Variants in CD2AP observed in about 807,000 individuals in gnomAD.
CD2AP encodes CD2 associated protein, also known as CD2-associated protein.
In CD2AP, 46 loss-of-function variants were observed where a neutral mutation model predicts 85.1. The ratio of observed to expected loss-of-function variants is 0.54; its 90% confidence interval spans 0.43 to 0.69. The LOEUF is 0.69. CD2AP is among the 30% of genes least tolerant of loss of function. CD2AP has a pLI of 0.00. For missense variants in CD2AP, 769 were observed against 729.5 expected, an observed-to-expected ratio of 1.05 and a Z score of -0.62; for synonymous variants, 255 against 252.9, an observed-to-expected ratio of 1.01 and a Z score of -0.08.
chr6:47,514,648 A>T (rs1233695286), intron 2 of CD2AP, among the ~76,000 whole-genome samples: 1 of 152,248 alleles, frequency 6.6e-6, no homozygotes, highest in Admixed American at 6.5e-5. Flanking sequence ...GGGAAATAAC[A>T]GTGTAAAACA....
intron 14 of CD2AP, among the ~76,000 whole-genome samples, chr6:47,607,237 G>T (rs573835656): frequency 6.6e-6 from 1 of 152,024 alleles, no homozygotes; most frequent in South Asian, 2.1e-4. Flanking sequence ...TCCAATTCTT[G>T]GCTGTATTCT....
chr6:47,603,477 TTGGAAACTG>T (rs1769196186), intron 13 of CD2AP, among the ~76,000 whole-genome samples: 1 of 152,072 alleles, frequency 6.6e-6, no homozygotes, highest in South Asian at 2.1e-4. Context: ...AGCCATCCTT[TTGGAAACTG>T]TCTTGGTGTT....
chr6:47,511,081 A>AAT (rs897090922), intron 2 of CD2AP, among the ~76,000 whole-genome samples: 2 of 141,182 alleles, frequency 1.4e-5, no homozygotes, highest in Non-Finnish European at 3.1e-5. Flanking sequence ...CTCAAAAAAA[A>AAT]AAAAAAAAAA....
At chr6:47,576,486 T>C (rs1350016442) in intron 6 of CD2AP, 38 bp from the exon 7 acceptor site, 1 of 1,315,056 alleles carries the variant, frequency 7.6e-7, no homozygotes, top group Non-Finnish European at 1.1e-6. Context: ...ATCTTTATTC[T>C]ATCTTAAAAT....
At chr6:47,493,680 A>G (rs942467540) in intron 1 of CD2AP, among the ~76,000 whole-genome samples, 10 of 152,028 alleles carry the variant, frequency 6.6e-5, no homozygotes, top group Non-Finnish European at 1.0e-4. Context: ...TGGAATTCCA[A>G]TTACGTGTGT....
At chr6:47,623,078 G>T (rs1188504969) in intron 17 of CD2AP, among the ~76,000 whole-genome samples, 3 of 152,190 alleles carry the variant, frequency 2.0e-5, no homozygotes, top group Admixed American at 6.5e-5. Context: ...AGACAGGCTT[G>T]TTGTAGTCCA....
intron 2 of CD2AP, among the ~76,000 whole-genome samples, chr6:47,528,807 CACAGA>C (rs1196023526): frequency 2.0e-5 from 3 of 152,098 alleles, no homozygotes; most frequent in African/African-American, 7.2e-5. Flanking sequence ...TAGGAGAGAT[CACAGA>C]GATTTTTTTG....
At chr6:47,592,002 T>A (rs1768811885) in intron 11 of CD2AP, among the ~76,000 whole-genome samples, 1 of 151,936 alleles carries the variant, frequency 6.6e-6, no homozygotes, top group Non-Finnish European at 1.5e-5. Context: ...TTTTTTAATT[T>A]ATTTTTTTCT....
chr6:47,481,978 C>G (rs1472972172), intron 1 of CD2AP, among the ~76,000 whole-genome samples: 1 of 151,992 alleles, frequency 6.6e-6, no homozygotes, highest in Non-Finnish European at 1.5e-5. Flanking sequence ...CCAGGCTAGT[C>G]TCAAACTCTT....
intron 4 of CD2AP, among the ~76,000 whole-genome samples, chr6:47,548,810 T>G (rs1266638309): frequency 6.6e-6 from 1 of 152,104 alleles, no homozygotes; most frequent in African/African-American, 2.4e-5. Context: ...CTAAACAAAG[T>G]ACTAGCTAAC....
chr6:47,610,310 T>A (rs1488467487), intron 16 of CD2AP, among the ~76,000 whole-genome samples: 2 of 152,120 alleles, frequency 1.3e-5, no homozygotes, highest in Admixed American at 6.5e-5. Flanking sequence ...AAATATATTT[T>A]AAAAAAAGCA....
At chr6:47,480,411 T>G (rs1765413406) in intron 1 of CD2AP, among the ~76,000 whole-genome samples, 1 of 151,980 alleles carries the variant, frequency 6.6e-6, no homozygotes. Flanking sequence ...AAATCTGAAA[T>G]TTTTTTTGTG....
chr6:47,558,976 C>G (rs1409526405), intron 5 of CD2AP, among the ~76,000 whole-genome samples: 1 of 152,046 alleles, frequency 6.6e-6, no homozygotes, highest in Non-Finnish European at 1.5e-5. Context: ...GGTTGGTAGG[C>G]TATTAATTAC....
chr6:47,538,588 T>C (rs1445430418), intron 3 of CD2AP, among the ~76,000 whole-genome samples: 1 of 152,218 alleles, frequency 6.6e-6, no homozygotes, highest in Non-Finnish European at 1.5e-5. Context: ...TAAATAAATT[T>C]TAATGCTTTA....
intron 1 of CD2AP, among the ~76,000 whole-genome samples, chr6:47,479,637 C>G (rs1313520588): frequency 6.6e-6 from 1 of 152,204 alleles, no homozygotes; most frequent in Non-Finnish European, 1.5e-5. Flanking sequence ...TATAAAATCA[C>G]TTTAACTGCT....
intron 10 of CD2AP, among the ~76,000 whole-genome samples, chr6:47,581,795 A>G (rs995243645): frequency 6.6e-6 from 1 of 152,184 alleles, no homozygotes; most frequent in East Asian, 1.9e-4. Context: ...TAAATTTGAC[A>G]AAGAAGGAAC....
In CD2AP at chr6:47,533,590, T is replaced by A. The variant is rs1766947660; in HGVS notation, c.166-12T>A. ...ACTTAACTTGCCTCTTTATTTATTT[T>A]CCCTTTTGTAGGAAATTAAAAGAGA... is the stretch of plus-strand genomic sequence containing the variant. On this transcript the variant is annotated splice_polypyrimidine_tract_variant and intron_variant, in intron 2 of 17. Transcript: ENST00000359314. 1 of 1,612,552 alleles carries A rather than the reference T, an allele frequency of 6.2e-7. No homozygotes were observed. The highest frequency in any genetic ancestry group is 1.1e-5 in the South Asian group (1 of 90,792).
intron 11 of CD2AP, among the ~76,000 whole-genome samples, chr6:47,590,441 A>G (rs1253929498): frequency 2.0e-5 from 3 of 152,148 alleles, no homozygotes; most frequent in African/African-American, 7.2e-5. Flanking sequence ...AAAATATGGA[A>G]AAGACCTTAA....
intron 5 of CD2AP, chr6:47,562,782 C>G: frequency 9.0e-7 from 1 of 1,117,064 alleles, no homozygotes. Context: ...TGCTTGCATC[C>G]AACTGTGATG....
Sources: allele counts gnomAD v4.1 joint callset (sites outside exome capture counted in the v4.1 genomes callset), GRCh38; gene constraint gnomAD v4.1.1; transcripts MANE v1.5; gene names NCBI Gene and HGNC (gene_info 2026-07-23, HGNC 2026-07-21).